Variants in NDUFAF2 observed in about 807,000 individuals in gnomAD.
NDUFAF2 encodes NADH dehydrogenase [ubiquinone] 1 alpha subcomplex assembly factor 2.
A neutral mutation model predicts 22.8 loss-of-function variants in NDUFAF2; 13 were observed. The observed-to-expected ratio is 0.57, with a 90% CI of 0.37 to 0.91. NDUFAF2 has a LOEUF of 0.91. Among genes scored for constraint, NDUFAF2 ranks in the 40% least tolerant of loss-of-function variants. The probability of loss-of-function intolerance (pLI) is 0.01; values close to 1 mark genes in which losing one functional copy is unlikely to be tolerated. For synonymous variants in NDUFAF2, 53 were observed against 64.2 expected (o/e 0.83, Z 0.84); for missense variants, 162 against 195.2 (o/e 0.83, Z 1.01).
intron 1 of NDUFAF2, among the ~76,000 whole-genome samples, chr5:60,984,556 T>C (rs1285111402): frequency 6.6e-6 from 1 of 152,148 alleles, no homozygotes; most frequent in East Asian, 1.9e-4. Context: ...GCTCTTATTA[T>C]TTTGAGATAC....
At chr5:60,965,611 T>C (rs1459621054) in intron 1 of NDUFAF2, among the ~76,000 whole-genome samples, 2 of 152,174 alleles carry the variant, frequency 1.3e-5, no homozygotes, top group Non-Finnish European at 2.9e-5. Context: ...AGTGAAATCA[T>C]GTGGTATATT....
At chr5:61,002,343 G>A (rs1056620287) in intron 1 of NDUFAF2, among the ~76,000 whole-genome samples, 2 of 152,010 alleles carry the variant, frequency 1.3e-5, no homozygotes, top group Non-Finnish European at 2.9e-5. Context: ...AACTCCTTTA[G>A]GATCTTAAGT....
chr5:61,094,650 T>A (rs1359638487), intron 2 of NDUFAF2, among the ~76,000 whole-genome samples: 1 of 152,224 alleles, frequency 6.6e-6, no homozygotes, highest in African/African-American at 2.4e-5. Flanking sequence ...TTGAAGTTGC[T>A]GACCTTTGGA....
intron 1 of NDUFAF2, among the ~76,000 whole-genome samples, chr5:60,966,323 T>C (rs1261790355): frequency 3.3e-5 from 5 of 152,174 alleles, no homozygotes. Flanking sequence ...CCAAAGGTTG[T>C]GTCTTTACTC....
chr5:61,144,009 T>TGTGTG (rs70977829), intron 3 of NDUFAF2, among the ~76,000 whole-genome samples: 1 of 144,360 alleles, frequency 6.9e-6, no homozygotes, highest in Admixed American at 7.0e-5. Flanking sequence ...TGTGTGTGTG[T>TGTGTG]TCAACCTGCC....
At chr5:61,152,087 T>G (rs1741249474) in intron 3 of NDUFAF2, among the ~76,000 whole-genome samples, 3 of 152,182 alleles carry the variant, frequency 2.0e-5, no homozygotes, top group Admixed American at 2.0e-4. Context: ...TTGTACAATC[T>G]GTTTGCACAG....
chr5:61,040,971 A>G (rs533283227), intron 1 of NDUFAF2, among the ~76,000 whole-genome samples: 1 of 152,272 alleles, frequency 6.6e-6, no homozygotes, highest in South Asian at 2.1e-4. Context: ...TTATCCAGAG[A>G]ATATTCAGTT....
At chr5:61,092,635 A>C (rs1182056226) in intron 2 of NDUFAF2, among the ~76,000 whole-genome samples, 1 of 152,172 alleles carries the variant, frequency 6.6e-6, no homozygotes, top group Admixed American at 6.5e-5. Flanking sequence ...TTCTAGATAC[A>C]GGATCATGTC....
intron 1 of NDUFAF2, among the ~76,000 whole-genome samples, chr5:61,030,621 G>A (rs146277254): frequency 0.013 from 1,923 of 151,868 alleles, 18 homozygotes; most frequent in South Asian, 0.026. Context: ...TTCTTTCTTA[G>A]CATTTTAAAA....
At chr5:61,106,900 G>GTA (rs1579833110) in intron 3 of NDUFAF2, among the ~76,000 whole-genome samples, 1 of 151,220 alleles carries the variant, frequency 6.6e-6, no homozygotes. Context: ...TTCACTGTGT[G>GTA]TATATATCAC....
chr5:61,022,323 C>T (rs1208841921), intron 1 of NDUFAF2, among the ~76,000 whole-genome samples: 1 of 152,130 alleles, frequency 6.6e-6, no homozygotes, highest in African/African-American at 2.4e-5. Context: ...ATTCTCCTTT[C>T]TATGCTCAGT....
chr5:61,150,392 T>C (rs963194721), intron 3 of NDUFAF2, among the ~76,000 whole-genome samples: 3 of 152,312 alleles, frequency 2.0e-5, no homozygotes, highest in African/African-American at 7.2e-5. Flanking sequence ...TCCATATTTT[T>C]TAACTCTGAA....
At chr5:61,057,259 A>T (rs920321365) in intron 1 of NDUFAF2, among the ~76,000 whole-genome samples, 8 of 152,146 alleles carry the variant, frequency 5.3e-5, no homozygotes, top group Admixed American at 3.3e-4. Flanking sequence ...CAAGCCTTAA[A>T]TCAAGTTCTA....
intron 3 of NDUFAF2, chr5:61,115,676 G>T (rs982711261): frequency 2.0e-5 from 3 of 152,064 alleles, no homozygotes; most frequent in African/African-American, 7.2e-5. Context: ...TCATGTCAGT[G>T]ACATGAATGA....
intron 1 of NDUFAF2, among the ~76,000 whole-genome samples, chr5:61,062,796 G>A (rs191176700): frequency 7.6e-4 from 116 of 152,160 alleles, no homozygotes; most frequent in Middle Eastern, 3.4e-3. Context: ...AATTGTAAAA[G>A]AAGCAAGAAA....
chr5:60,960,917 T>C (rs1162694783), intron 1 of NDUFAF2, among the ~76,000 whole-genome samples: 6 of 152,188 alleles, frequency 3.9e-5, no homozygotes, highest in Non-Finnish European at 8.8e-5. Context: ...ATTTTCTGTT[T>C]TATTTATTAA....
intron 1 of NDUFAF2, among the ~76,000 whole-genome samples, chr5:61,027,748 C>G (rs1751670408): frequency 6.6e-6 from 1 of 151,908 alleles, no homozygotes; most frequent in South Asian, 2.1e-4. Flanking sequence ...TAATTTACTA[C>G]TTATTAAAAG....
Position 61,152,596 on chromosome 5 carries a change from T to C in NDUFAF2, c.259-108T>C, listed in dbSNP as rs1280778997. On this transcript the variant is annotated intron_variant, in intron 3 of 3. Transcript: ENST00000296597. ...ATATTATTTAAATGCAAAGTATGTATGTATATATTTATATGTATATAATGT... is the reference window on the plus strand; with the variant it reads ...ATATTATTTAAATGCAAAGTATGTACGTATATATTTATATGTATATAATGT... 7 of 731,932 alleles carry C rather than the reference T, an allele frequency of 9.6e-6. No homozygotes were observed. In the Admixed American group the frequency reaches 2.5e-4, roughly 26 times the overall value. The allele number at this position is 731,932 out of a possible 1,614,324, so 45.3% of individuals were successfully genotyped here. A position where few individuals can be genotyped will look rare whatever the true frequency, so the allele number is the denominator to read the frequency against.
At position 60,963,932 on chromosome 5, in the gene NDUFAF2, C is replaced by T. The variant is rs886315722; in HGVS notation, c.127+18550C>T. 2.6e-5 allele frequency among the ~76,000 whole-genome samples: 4 copies of T among 152,144 alleles called. No homozygotes were observed. In the South Asian group the frequency reaches 6.2e-4, roughly 24 times the overall value. ...GCTAAGTGAATATCTGGAGTAAGAGCACACCAATCAGAGGGAATAGCAGTA... is the reference window on the plus strand; with the variant it reads ...GCTAAGTGAATATCTGGAGTAAGAGTACACCAATCAGAGGGAATAGCAGTA... On this transcript the variant is annotated intron_variant, in intron 1 of 3. Transcript: ENST00000296597.
Sources: allele counts gnomAD v4.1 joint callset (sites outside exome capture counted in the v4.1 genomes callset), GRCh38; gene constraint gnomAD v4.1.1; transcripts MANE v1.5; gene names NCBI Gene and HGNC (gene_info 2026-07-23, HGNC 2026-07-21).